Variants in PCDHGA6 observed in about 807,000 individuals in gnomAD.
The protein encoded by PCDHGA6 is protocadherin gamma subfamily A, 6.
A neutral mutation model predicts 60.6 loss-of-function variants in PCDHGA6; 41 were observed. The ratio of observed to expected loss-of-function variants is 0.68; its 90% CI spans 0.53 to 0.88. PCDHGA6 has a LOEUF of 0.88. Ranked by LOEUF, PCDHGA6 falls within the 40% of genes least tolerant of loss-of-function variation. The pLI is 0.00. For missense variants in PCDHGA6, 1,312 were observed against 1,203.0 expected (o/e 1.09, Z -1.34); for synonymous variants, 594 against 524.4 (o/e 1.13, Z -1.81).
chr5:141,393,724 C>T (rs959974182), intron 1 of PCDHGA6: 1 of 1,613,570 alleles, frequency 6.2e-7, no homozygotes, highest in Non-Finnish European at 8.5e-7. Context: ...ATATCAATAG[C>T]AAAAAGTCTA....
intron 1 of PCDHGA6, among the ~76,000 whole-genome samples, chr5:141,444,758 T>C (rs1430492886): frequency 1.3e-5 from 2 of 152,262 alleles, no homozygotes; most frequent in East Asian, 3.8e-4. Flanking sequence ...TATGTAGTTC[T>C]ATTTCTATAT....
intron 2 of PCDHGA6, 79 bp downstream of exon 2, chr5:141,494,944 C>T: frequency 1.9e-6 from 3 of 1,609,850 alleles, no homozygotes; most frequent in Non-Finnish European, 2.5e-6. Context: ...TGGGGGAGGG[C>T]CCAGCATTTG....
At chr5:141,404,408 A>C (rs2154535328) in intron 1 of PCDHGA6, 1 of 1,613,900 alleles carries the variant, frequency 6.2e-7, no homozygotes, top group East Asian at 2.2e-5. Flanking sequence ...TGAGAATTCT[A>C]GAGTTATTTA....
chr5:141,387,687 G>A, intron 1 of PCDHGA6: 1 of 808,412 alleles, frequency 1.2e-6, no homozygotes, highest in Non-Finnish European at 1.9e-6. Context: ...CGCAGCCGCA[G>A]CGCGCTTTCC....
intron 1 of PCDHGA6, chr5:141,388,961 G>C: frequency 6.2e-7 from 1 of 1,614,042 alleles, no homozygotes; most frequent in Non-Finnish European, 8.5e-7. Flanking sequence ...AGGACGCCGA[G>C]CTGGGAACAC....
At chr5:141,402,799 C>G in intron 1 of PCDHGA6, 1 of 1,061,846 alleles carries the variant, frequency 9.4e-7, no homozygotes, top group Non-Finnish European at 1.3e-6. Flanking sequence ...TACACAAAAC[C>G]CGGCAGATAC....
chr5:141,494,792 C>A lies in PCDHGA6; in HGVS notation c.2425-15C>A. The A allele has an allele frequency of 6.2e-7, 1 of 1,614,132 alleles. No individual in the cohort carries two copies. Among genetic ancestry groups the A allele is most frequent in the East Asian group, 2.2e-5 (1 of 44,878 alleles). Reference sequence around the variant, plus strand: ...TCACGGGTACTCAGCCCCTTTCCCTCTGTTTTCTCCACAGCAAGCCCCGCC... The same window carrying A: ...TCACGGGTACTCAGCCCCTTTCCCTATGTTTTCTCCACAGCAAGCCCCGCC... On this transcript the variant is annotated splice_polypyrimidine_tract_variant and intron_variant, in intron 1 of 3. Transcript: ENST00000517434.
At chr5:141,389,985 T>C (rs754723585) in intron 1 of PCDHGA6, 5 of 1,614,006 alleles carry the variant, frequency 3.1e-6, no homozygotes, top group Non-Finnish European at 4.2e-6. Flanking sequence ...CTCAGTGCTC[T>C]TCCTCGTGGC....
intron 2 of PCDHGA6, among the ~76,000 whole-genome samples, chr5:141,497,553 T>G (rs2099777684): frequency 6.6e-6 from 1 of 151,326 alleles, no homozygotes; most frequent in Non-Finnish European, 1.5e-5. Flanking sequence ...TTTTTTTTTT[T>G]TTTTTAGACA....
intron 1 of PCDHGA6, chr5:141,404,131 A>G (rs756505012): frequency 1.2e-6 from 2 of 1,613,162 alleles, no homozygotes; most frequent in South Asian, 2.2e-5. Context: ...TATCTTTTAC[A>G]TTAGAAAATT....
rs1178101439 is a variant in PCDHGA6, at chr5:141,443,790, T to C, written c.2425-51017T>C. On this transcript the variant is annotated intron_variant, in intron 1 of 3. Coordinates refer to ENST00000517434, the MANE Select transcript of PCDHGA6 (RefSeq NM_018919.3). Reference sequence around the variant, plus strand: ...AATATTACCAAAAAGACAAAAAAAATGAAAAGGAAACAGTTACCTTTGGAA... The same window carrying C: ...AATATTACCAAAAAGACAAAAAAAACGAAAAGGAAACAGTTACCTTTGGAA... Among the ~76,000 whole-genome samples, 6 of 151,950 alleles carry C rather than the reference T, an allele frequency of 3.9e-5. No homozygotes were observed. The East Asian group carries it at 1.2e-3, about 29-fold the overall frequency.
At chr5:141,383,566 T>C (rs1357683326) in intron 1 of PCDHGA6, 2 of 1,613,308 alleles carry the variant, frequency 1.2e-6, no homozygotes, top group Non-Finnish European at 1.7e-6. Context: ...CCCGCCCCGA[T>C]CCAGCACCGC....
At chr5:141,464,228 G>A (rs1196103285) in intron 1 of PCDHGA6, among the ~76,000 whole-genome samples, 1 of 148,156 alleles carries the variant, frequency 6.7e-6, no homozygotes, top group African/African-American at 2.5e-5. Context: ...TTGCGCCACT[G>A]CACTCCAGCC....
chr5:141,413,166 C>A (rs758193163), intron 1 of PCDHGA6: 3 of 1,590,396 alleles, frequency 1.9e-6, no homozygotes, highest in South Asian at 2.3e-5. Flanking sequence ...AATTCTGTAA[C>A]CAGACTACAA....
At chr5:141,461,408 CAT>C (rs1491314585) in intron 1 of PCDHGA6, among the ~76,000 whole-genome samples, 2 of 151,994 alleles carry the variant, frequency 1.3e-5, no homozygotes, top group South Asian at 2.1e-4. Flanking sequence ...AGCATTTTTT[CAT>C]ATGTTTGTGG....
intron 1 of PCDHGA6, chr5:141,416,685 A>T (rs1292141199): frequency 1.3e-5 from 2 of 152,384 alleles, no homozygotes; most frequent in East Asian, 3.9e-4. Flanking sequence ...AAGGGAAATT[A>T]TATAAACAAA....
chr5:141,394,115 T>A, intron 1 of PCDHGA6: 1 of 1,613,954 alleles, frequency 6.2e-7, no homozygotes, highest in Non-Finnish European at 8.5e-7. Context: ...CTCTGTCCAC[T>A]GAAACTCAAA....
intron 1 of PCDHGA6, chr5:141,385,487 A>T (rs1781222873): frequency 5.6e-6 from 8 of 1,416,434 alleles, no homozygotes; most frequent in Non-Finnish European, 6.4e-6. Context: ...TATAGAACAC[A>T]TAGGATATAG....
In PCDHGA6 at chr5:141,485,145, A is replaced by G. The variant is rs766014792; in HGVS notation, c.2425-9662A>G. On this transcript the variant is annotated intron_variant, in intron 1 of 3. Coordinates refer to ENST00000517434, the MANE Select transcript of PCDHGA6 (RefSeq NM_018919.3). The surrounding 1 kb of genome is among the most constrained non-coding windows in gnomAD (Gnocchi z 5.7). Reference sequence around the variant, plus strand: ...GGGTCGGCTTCATCCGCGTCTCAGGAGCAAGTAGAGAATTAGCGGGCGGCA... The same window carrying G: ...GGGTCGGCTTCATCCGCGTCTCAGGGGCAAGTAGAGAATTAGCGGGCGGCA... The G allele has an allele frequency of 4.5e-6, 7 of 1,567,410 alleles. No individual in the cohort carries two copies. Among genetic ancestry groups the G allele is most frequent in the Non-Finnish European group, 6.1e-6 (7 of 1,142,014 alleles).
Sources: gnomAD v4.1 joint callset for allele counts (sites outside exome capture counted in the v4.1 genomes callset) on GRCh38, gnomAD v4.1.1 for gene constraint, Gnocchi (gnomAD v3.1) non-coding constraint, MANE v1.5 for transcripts, NCBI Gene and HGNC (gene_info 2026-07-23, HGNC 2026-07-21) for gene names.